The following TRIM72 variants were observed in gnomAD, a reference collection of about 807,000 sequenced individuals.
The protein encoded by TRIM72 is tripartite motif-containing protein 72.
A neutral mutation model predicts 31.6 loss-of-function variants in TRIM72; 33 were observed. The ratio of observed to expected loss-of-function variants is 1.04; its 90% CI spans 0.79 to 1.40. The LOEUF (loss-of-function observed/expected upper bound fraction) is 1.40. Ranked by LOEUF, TRIM72 falls within the 40% of genes most tolerant of loss-of-function variation. TRIM72 has a pLI of 0.00. For missense variants in TRIM72, 666 were observed against 682.7 expected (o/e 0.98, Z 0.27); for synonymous variants, 301 against 314.4 (o/e 0.96, Z 0.45).
intron 5 of TRIM72, 83 bp downstream of exon 5, chr16:31,221,001 T>C: frequency 6.4e-7 from 1 of 1,560,502 alleles, no homozygotes; most frequent in South Asian, 1.1e-5. Flanking sequence ...CCACTCACTA[T>C]TGTGCCTGCA....
chr16:31,214,735 C>A lies in TRIM72; in HGVS notation c.-4C>A. ...AACCTACTCCTCCTCCACCCAGGCC[C>A]GCCATGTCGGCTGCGCCCGGCCTCC... On this transcript the variant is annotated 5_prime_UTR_variant, in exon 2 of 7. Coordinates refer to ENST00000322122, the MANE Select transcript of TRIM72 (RefSeq NM_001008274.4). 1 of 1,566,454 alleles carries A rather than the reference C, an allele frequency of 6.4e-7. No homozygotes were observed. Among genetic ancestry groups the A allele is most frequent in the Non-Finnish European group, 8.6e-7 (1 of 1,167,072 alleles).
At position 31,226,210 on chromosome 16, in the gene TRIM72, GT is replaced by G. The variant is rs1164253445; in HGVS notation, c.*1456del. On this transcript the variant is annotated 3_prime_UTR_variant, in exon 7 of 7. Coordinates refer to ENST00000322122, the MANE Select transcript of TRIM72 (RefSeq NM_001008274.4). ...CAACCCATTGGGCTCTTCACTGTCAGTGTAGAGGCATAGGTCCAAAATATGT... is the reference window on the plus strand; with the variant it reads ...CAACCCATTGGGCTCTTCACTGTCAGGTAGAGGCATAGGTCCAAAATATGT... The G allele has an allele frequency of 2.0e-5, 3 of 152,160 alleles. No homozygotes were observed. Among genetic ancestry groups the G allele is most frequent in the Admixed American group, 2.0e-4 (3 of 15,244 alleles). 9.4% of individuals were successfully genotyped at this position (152,160 alleles called of 1,614,324 possible).
In TRIM72 at chr16:31,214,846, C is replaced by A; in HGVS notation, c.108C>A (p.Ala36=). ...AGTGCGGCCACAGTTTCTGCCGCGC[C>A]TGCCTAGGCCGCGTGGCCGGGGAGC... ...TAECGHSFCR[A]CLGRVAGEPA... is the part of the protein sequence containing the mutation. Residue 36 remains alanine (A), a synonymous_variant, in exon 2 of 7, where the codon GCC becomes GCA. Coordinates refer to ENST00000322122, the MANE Select transcript of TRIM72 (RefSeq NM_001008274.4). 6.5e-7 allele frequency: 1 copy of A among 1,546,160 alleles called. No homozygotes were observed. The highest frequency in any genetic ancestry group is 1.9e-5 in the Admixed American group (1 of 53,654).
chr16:31,220,837 A>G, intron 4 of TRIM72, 59 bp from the exon 5 acceptor site: 2 of 1,611,996 alleles, frequency 1.2e-6, no homozygotes, highest in Non-Finnish European at 1.7e-6. Context: ...CCCATCCTCA[A>G]AAGTTTCCAG....
chr16:31,216,337 C>T lies in TRIM72; in HGVS notation c.390+1209C>T, dbSNP rs1038524026. On this transcript the variant is annotated intron_variant, in intron 2 of 6. Coordinates refer to ENST00000322122, the MANE Select transcript of TRIM72 (RefSeq NM_001008274.4). This position sits in a 1 kb window ranked among gnomAD's most constrained non-coding sequence, Gnocchi z 6.7. ...TCCCAGCACACCTGTGCTTAAGACC[C>T]CAACCTCAGGGCAACCCGCTCGGAT... is the stretch of plus-strand genomic sequence containing the variant. 1.8e-5 allele frequency: 3 copies of T among 170,448 alleles called. No individual in the cohort carries two copies. Among genetic ancestry groups the T allele is most frequent in the Admixed American group, 6.3e-5 (1 of 15,974 alleles). The allele number at this position is 170,448 out of a possible 1,614,324, so 10.6% of individuals were successfully genotyped here. A position where few individuals can be genotyped will look rare whatever the true frequency, so the allele number is the denominator to read the frequency against.
intron 4 of TRIM72, 131 bp from the exon 5 acceptor site, chr16:31,220,765 C>T (rs1312001597): frequency 1.6e-6 from 2 of 1,242,434 alleles, no homozygotes; most frequent in Admixed American, 1.7e-5. Flanking sequence ...GCCACCTCGT[C>T]TGGCCTCTTT....
rs1434751681 is a variant in TRIM72 at position 31,219,930 on chromosome 16, T to C, written c.717+411T>C. On this transcript the variant is annotated intron_variant, in intron 4 of 6. Transcript: ENST00000322122. This position sits in a 1 kb window ranked among gnomAD's most constrained non-coding sequence, Gnocchi z 4.2. ...GGCACCCGCCACCACGCCTGGCTAATTTTTTCTATTTTTCAGTAGAGACAG... is the reference window on the plus strand; with the variant it reads ...GGCACCCGCCACCACGCCTGGCTAACTTTTTCTATTTTTCAGTAGAGACAG... Among the ~76,000 whole-genome samples the C allele has an allele frequency of 6.6e-6, 1 of 151,900 alleles. No individual in the cohort carries two copies. Among genetic ancestry groups the C allele is most frequent in the East Asian group, 1.9e-4 (1 of 5,138 alleles).
intron 5 of TRIM72, 60 bp downstream of exon 5, chr16:31,220,978 G>A: frequency 6.2e-7 from 1 of 1,604,460 alleles, no homozygotes; most frequent in Non-Finnish European, 8.5e-7. Context: ...AGGGACACCA[G>A]CCGGCTCACT....
intron 6 of TRIM72, among the ~76,000 whole-genome samples, chr16:31,223,391 A>G (rs974534117): frequency 3.9e-5 from 6 of 152,184 alleles, no homozygotes; most frequent in African/African-American, 1.2e-4. Context: ...CCTCCCCCCA[A>G]GAGCTGGATG....
intron 5 of TRIM72, among the ~76,000 whole-genome samples, chr16:31,221,477 G>A (rs2079533232): frequency 6.7e-6 from 1 of 149,088 alleles, no homozygotes; most frequent in Admixed American, 6.7e-5. Flanking sequence ...GCTGGGAGAA[G>A]AAGGGCATTG....
rs371713060 is a variant in TRIM72, at chr16:31,216,422, T to TA, written c.390+1304dup. ...TCTTTGCAATAAATCTTGCTGCCGC[T>TA]AAAAAAAAAACAAAAAACAAACAAA... is the stretch of plus-strand genomic sequence containing the variant. On this transcript the variant is annotated intron_variant, in intron 2 of 6. Coordinates refer to ENST00000322122, the MANE Select transcript of TRIM72 (RefSeq NM_001008274.4). The surrounding 1 kb of genome is among the most constrained non-coding windows in gnomAD (Gnocchi z 6.7). The TA allele has an allele frequency of 0.054, 14,292 of 262,828 alleles. 33 individuals carry two copies. The highest frequency in any genetic ancestry group is 0.074 in the Middle Eastern group (67 of 902). The allele number at this position is 262,828 out of a possible 1,614,324, so 16.3% of individuals were successfully genotyped here.
rs566968391 is a variant in TRIM72, at chr16:31,230,205, A to G, written c.*5450A>G. Reference sequence around the variant, plus strand: ...AAATTAACTGCCTGTTTTTCTGTGGATAGTGAGCCTTATCTCTCTCCCTTT... The same window carrying G: ...AAATTAACTGCCTGTTTTTCTGTGGGTAGTGAGCCTTATCTCTCTCCCTTT... On this transcript the variant is annotated 3_prime_UTR_variant, in exon 7 of 7. Transcript: ENST00000322122. 3.3e-5 allele frequency: 5 copies of G among 152,328 alleles called. No homozygotes were observed. Among genetic ancestry groups the G allele is most frequent in the Admixed American group, 2.6e-4 (4 of 15,294 alleles). The allele number at this position is 152,328 out of a possible 1,614,324, so 9.4% of individuals were successfully genotyped here.
intron 2 of TRIM72, among the ~76,000 whole-genome samples, chr16:31,218,769 T>G (rs752463145): frequency 2.0e-5 from 3 of 152,018 alleles, no homozygotes; most frequent in Non-Finnish European, 4.4e-5. Context: ...AGAGGGTCAA[T>G]TAAGCCTGGG....
In TRIM72 at chr16:31,216,969, G is replaced by C. The variant is rs750358061; in HGVS notation, c.390+1841G>C. The C allele has an allele frequency of 2.4e-5, 38 of 1,614,030 alleles. No individual in the cohort carries two copies. The South Asian group carries it at 3.3e-4, about 14-fold the overall frequency. ...TCCCCAGCTTCATCTTGAACTTCTTGAGCTCCTCCGGTGTCAGGTTCTCCA... is the reference window on the plus strand; with the variant it reads ...TCCCCAGCTTCATCTTGAACTTCTTCAGCTCCTCCGGTGTCAGGTTCTCCA... On this transcript the variant is annotated intron_variant, in intron 2 of 6. Transcript: ENST00000322122. This position sits in a 1 kb window ranked among gnomAD's most constrained non-coding sequence, Gnocchi z 6.7.
intron 1 of TRIM72, 112 bp from the exon 2 acceptor site, chr16:31,214,620 C>G: frequency 8.3e-7 from 1 of 1,207,998 alleles, no homozygotes; most frequent in Non-Finnish European, 1.1e-6. Flanking sequence ...TCTTTACAGG[C>G]TGGGGCTTCT....
chr16:31,226,130 A>C lies in TRIM72; in HGVS notation c.*1375A>C, dbSNP rs1474439239. 1 of 152,102 alleles carries C rather than the reference A, an allele frequency of 6.6e-6. No homozygotes were observed. Among genetic ancestry groups the C allele is most frequent in the Admixed American group, 6.6e-5 (1 of 15,238 alleles). 9.4% of individuals were successfully genotyped at this position (152,102 alleles called of 1,614,324 possible). A position where few individuals can be genotyped will look rare whatever the true frequency, so the allele number is the denominator to read the frequency against. ...AAATGTGCATTTCTAGCAGGTTCCC[A>C]GGTGACGCTGCTGGCCACAGGGGCT... On this transcript the variant is annotated 3_prime_UTR_variant, in exon 7 of 7. Transcript: ENST00000322122.
Position 31,230,874 on chromosome 16 carries a change from C to G in TRIM72, c.*6119C>G, listed in dbSNP as rs1458279106. The G allele has an allele frequency of 1.3e-5, 2 of 151,920 alleles. No homozygotes were observed. Among genetic ancestry groups the G allele is most frequent in the Non-Finnish European group, 2.9e-5 (2 of 68,012 alleles). The allele number at this position is 151,920 out of a possible 1,614,324, so 9.4% of individuals were successfully genotyped here. ...TGGTCTCTCTGATTCCTAAATTATC[C>G]CACTGCAGAATGAGACTCTGTCTCA... On this transcript the variant is annotated 3_prime_UTR_variant, in exon 7 of 7. Transcript: ENST00000322122.
In TRIM72 at chr16:31,224,388, G is replaced by T. The variant is rs781600735; in HGVS notation, c.1067G>T (p.Arg356Leu). Residue 356 changes from arginine to leucine, a missense_variant, in exon 7 of 7, where the codon CGC (arginine) becomes CTC (leucine). Transcript: ENST00000322122. ...GAGGTGGATGTTGGCGACAAGCCGC[G>T]CTGGGCGCTGGGCGTGATCGCGGCC... The part of the protein sequence containing the change: ...YWEVDVGDKP[R>L]WALGVIAAEA... 3.4e-6 allele frequency: 5 copies of T among 1,452,960 alleles called. No individual in the cohort carries two copies. The highest frequency in any genetic ancestry group is 4.5e-6 in the Non-Finnish European group (5 of 1,113,056). 90.0% of individuals were successfully genotyped at this position (1,452,960 alleles called of 1,614,324 possible).
intron 6 of TRIM72, among the ~76,000 whole-genome samples, chr16:31,223,311 C>A (rs1285272353): frequency 6.6e-6 from 1 of 152,130 alleles, no homozygotes; most frequent in Non-Finnish European, 1.5e-5. Flanking sequence ...GCTCCTGGAA[C>A]CCTGGGGACT....
Sources: allele counts gnomAD v4.1 joint callset (sites outside exome capture counted in the v4.1 genomes callset), GRCh38; gene constraint gnomAD v4.1.1; non-coding constraint Gnocchi (gnomAD v3.1); transcripts MANE v1.5; gene names NCBI Gene and HGNC (gene_info 2026-07-23, HGNC 2026-07-21).